SGCZ: variants seen among roughly 807,000 people sequenced by gnomAD.
The protein encoded by SGCZ is sarcoglycan zeta, also known as zeta-sarcoglycan.
A neutral mutation model predicts 41.3 loss-of-function variants in SGCZ; 40 were observed. The ratio of observed to expected loss-of-function variants is 0.97; its 90% confidence interval spans 0.75 to 1.26. The LOEUF (loss-of-function observed/expected upper bound fraction) is 1.26. SGCZ is among the 50% of genes most tolerant of loss of function. The pLI is 0.00. For missense variants in SGCZ, 552 were observed against 369.8 expected, an observed-to-expected ratio of 1.49 and a Z score of -4.04; for synonymous variants, 206 against 137.5, an observed-to-expected ratio of 1.50 and a Z score of -3.49.
chr8:15,216,245 G>A (rs1452752144), intron 1 of SGCZ, among the ~76,000 whole-genome samples: 1 of 122,074 alleles, frequency 8.2e-6, no homozygotes, highest in African/African-American at 3.1e-5. Context: ...TTTTTGAGAC[G>A]GTGTTGCTCT....
At chr8:14,990,367 C>T (rs534420027) in intron 1 of SGCZ, among the ~76,000 whole-genome samples, 127 of 145,176 alleles carry the variant, frequency 8.7e-4, no homozygotes, top group African/African-American at 3.1e-3. Flanking sequence ...GGAACCAGGC[C>T]GCATAGGAGC....
intron 1 of SGCZ, among the ~76,000 whole-genome samples, chr8:15,229,598 G>A (rs1282057097): frequency 6.6e-6 from 1 of 152,178 alleles, no homozygotes; most frequent in Non-Finnish European, 1.5e-5. Context: ...TTGGGGGAGA[G>A]TTTGAAGGCT....
intron 1 of SGCZ, among the ~76,000 whole-genome samples, chr8:14,991,867 T>A (rs183875229): frequency 1.3e-5 from 2 of 151,566 alleles, no homozygotes; most frequent in Non-Finnish European, 2.9e-5. Flanking sequence ...AAACTAGTGT[T>A]ATCCTTGATA....
intron 3 of SGCZ, among the ~76,000 whole-genome samples, chr8:14,241,916 A>AT (rs1346646642): frequency 6.6e-6 from 1 of 152,260 alleles, no homozygotes; most frequent in Non-Finnish European, 1.5e-5. Context: ...TGGAAAAATG[A>AT]TTTTTTCTTT....
chr8:14,939,094 C>T (rs1445981647), intron 1 of SGCZ, among the ~76,000 whole-genome samples: 8 of 152,140 alleles, frequency 5.3e-5, no homozygotes, highest in East Asian at 1.9e-4. Context: ...GCTCTAGGAC[C>T]TTTCCAGGTA....
At chr8:14,801,024 T>C (rs929916798) in intron 1 of SGCZ, among the ~76,000 whole-genome samples, 14 of 152,210 alleles carry the variant, frequency 9.2e-5, no homozygotes, top group African/African-American at 2.4e-4. Context: ...TTTATAACTA[T>C]AATTTCAATT....
rs997156088 is a variant in SGCZ, at chr8:14,165,766, C to T, written c.425-1064G>A. Among the ~76,000 whole-genome samples, 7 of 152,212 alleles carry T rather than the reference C, an allele frequency of 4.6e-5. No homozygotes were observed. In the East Asian group the frequency reaches 5.8e-4, roughly 13 times the overall value. Reference sequence around the variant, plus strand: ...CACTTTATTTATTAGATATATGACACCCAGGAGCTCAAAGCAGGACATCAT... The same window carrying T: ...CACTTTATTTATTAGATATATGACATCCAGGAGCTCAAAGCAGGACATCAT... On this transcript the variant is annotated intron_variant, in intron 4 of 7. Coordinates refer to ENST00000382080, the MANE Select transcript of SGCZ (RefSeq NM_139167.4).
chr8:14,499,388 A>C (rs1802083471), intron 2 of SGCZ, among the ~76,000 whole-genome samples: 2 of 152,012 alleles, frequency 1.3e-5, no homozygotes, highest in Non-Finnish European at 2.9e-5. Context: ...TTTGCATCAT[A>C]TATACCTGTA....
At chr8:14,248,432 G>C (rs1485295479) in intron 3 of SGCZ, among the ~76,000 whole-genome samples, 2 of 152,094 alleles carry the variant, frequency 1.3e-5, no homozygotes, top group East Asian at 3.9e-4. Context: ...CACAGTTCAT[G>C]TTATATGAGT....
chr8:15,011,750 T>C (rs184585986), intron 1 of SGCZ, among the ~76,000 whole-genome samples: 106 of 152,334 alleles, frequency 7.0e-4, no homozygotes, highest in African/African-American at 2.5e-3. Context: ...AAAATATCAT[T>C]TAAATGTGTT....
At chr8:14,706,718 A>G (rs959858042) in intron 1 of SGCZ, among the ~76,000 whole-genome samples, 1 of 152,126 alleles carries the variant, frequency 6.6e-6, no homozygotes, top group Non-Finnish European at 1.5e-5. Context: ...ATTTATTCTT[A>G]TAATACTAAC....
rs187493586 is a variant in SGCZ, at chr8:14,686,401, A to G, written c.40-131475T>C. On this transcript the variant is annotated intron_variant, in intron 1 of 7. Transcript: ENST00000382080. ...AAACAGGAGTGATGGGACTCGAAAC[A>G]TAGCAAGAACAATTAGGAGATTGTT... is the stretch of plus-strand genomic sequence containing the variant. Among the ~76,000 whole-genome samples, 295 of 152,312 alleles carry G rather than the reference A, an allele frequency of 1.9e-3. 1 individual carries two copies. The highest frequency in any genetic ancestry group is 0.01 in the Middle Eastern group (3 of 294).
chr8:14,746,107 A>G (rs1380575962), intron 1 of SGCZ, among the ~76,000 whole-genome samples: 1 of 152,034 alleles, frequency 6.6e-6, no homozygotes, highest in Non-Finnish European at 1.5e-5. Flanking sequence ...ATAAATATCG[A>G]TCTATAAATA....
intron 4 of SGCZ, among the ~76,000 whole-genome samples, chr8:14,173,794 A>G (rs2117006088): frequency 6.6e-6 from 1 of 152,294 alleles, no homozygotes; most frequent in African/African-American, 2.4e-5. Flanking sequence ...AAACATATCA[A>G]TAATTGCATT....
intron 2 of SGCZ, among the ~76,000 whole-genome samples, chr8:14,461,625 T>G (rs1381318197): frequency 6.6e-6 from 1 of 152,110 alleles, no homozygotes; most frequent in Admixed American, 6.6e-5. Context: ...CTCATATCCC[T>G]GAGGAGTTTT....
chr8:14,098,010 T>C (rs1801897029), intron 7 of SGCZ, among the ~76,000 whole-genome samples: 1 of 152,178 alleles, frequency 6.6e-6, no homozygotes, highest in Admixed American at 6.6e-5. Context: ...CTTCACACCT[T>C]ACTTTCCCTG....
intron 2 of SGCZ, among the ~76,000 whole-genome samples, chr8:14,421,705 A>C (rs1799641738): frequency 1.3e-5 from 2 of 152,142 alleles, no homozygotes; most frequent in Non-Finnish European, 2.9e-5. Context: ...ATCTTGTGTA[A>C]TTATCTGGTT....
intron 1 of SGCZ, among the ~76,000 whole-genome samples, chr8:14,883,215 C>T (rs1804660617): frequency 6.9e-6 from 1 of 145,346 alleles, no homozygotes; most frequent in Admixed American, 7.0e-5. Flanking sequence ...GAACCTCCCT[C>T]GCCTCAATGT....
At chr8:14,600,166 A>G (rs1216482931) in intron 1 of SGCZ, among the ~76,000 whole-genome samples, 4 of 152,084 alleles carry the variant, frequency 2.6e-5, no homozygotes, top group East Asian at 1.9e-4. Context: ...ACTTCTGGGC[A>G]CCACACTCTC....
Sources: gnomAD v4.1 joint callset for allele counts (sites outside exome capture counted in the v4.1 genomes callset) on GRCh38, gnomAD v4.1.1 for gene constraint, MANE v1.5 for transcripts, NCBI Gene and HGNC (gene_info 2026-07-23, HGNC 2026-07-21) for gene names.